The following ABCG5 variants were observed in gnomAD, a reference collection of about 807,000 sequenced individuals.
ABCG5 encodes the protein ATP binding cassette subfamily G member 5, also known as ATP-binding cassette sub-family G member 5.
A neutral mutation model predicts 64.5 loss-of-function variants in ABCG5; 64 were observed. That is an observed-to-expected ratio of 0.99 (90% CI 0.81 to 1.22). The LOEUF (loss-of-function observed/expected upper bound fraction) is 1.22. Among genes scored for constraint, ABCG5 ranks in the 50% most tolerant of loss-of-function variants. The pLI is 0.00. For missense variants in ABCG5, 908 were observed against 829.5 expected (o/e 1.09, Z -1.16); for synonymous variants, 385 against 326.3 (o/e 1.18, Z -1.94).
chr2:43,815,263 T>A (rs1332390914), intron 11 of ABCG5, among the ~76,000 whole-genome samples: 1 of 152,248 alleles, frequency 6.6e-6, no homozygotes, highest in East Asian at 1.9e-4. Flanking sequence ...GTCTTCTTAG[T>A]CCACTGTATA....
rs1667481938 is a variant in ABCG5 at position 43,824,737 on chromosome 2, C to A, written c.904+152G>T. 2.1e-6 allele frequency: 3 copies of A among 1,447,730 alleles called. No individual in the cohort carries two copies. In the African/African-American group the frequency reaches 4.3e-5, roughly 21 times the overall value. The allele number at this position is 1,447,730 out of a possible 1,614,324, so 89.7% of individuals were successfully genotyped here. A position where few individuals can be genotyped will look rare whatever the true frequency, so the allele number is the denominator to read the frequency against. ...TTCTGATAGTCATCTCTGGCAAGTT[C>A]ATTGACCCGGCCAAATTGATTCCTT... On this transcript the variant is annotated intron_variant, in intron 7 of 12. Coordinates refer to ENST00000405322, the MANE Select transcript of ABCG5 (RefSeq NM_022436.3).
chr2:43,832,856 C>T (rs755518556), intron 2 of ABCG5, among the ~76,000 whole-genome samples: 13 of 152,232 alleles, frequency 8.5e-5, no homozygotes, highest in Non-Finnish European at 1.6e-4. Flanking sequence ...GTCACCCAGG[C>T]TGGAGTGCAG....
Position 43,824,022 on chromosome 2 carries a change from C to G in ABCG5, c.1215G>C (p.Leu405=). Residue 405 remains leucine, a synonymous_variant, in exon 9 of 13, where the codon CTG becomes CTC. Transcript: ENST00000405322. ...CCTTTAGCACATTGCTTCGGACCCG[C>G]AGAACGAAGAAAAGGAGGAACAAAC... ...IMGLFLLFFV[L]RVRSNVLKGA... 6.2e-7 allele frequency: 1 copy of G among 1,614,160 alleles called. No homozygotes were observed. Among genetic ancestry groups the G allele is most frequent in the Non-Finnish European group, 8.5e-7 (1 of 1,180,038 alleles).
intron 11 of ABCG5, among the ~76,000 whole-genome samples, chr2:43,818,591 C>G (rs1199952222): frequency 6.6e-6 from 1 of 151,946 alleles, no homozygotes; most frequent in Non-Finnish European, 1.5e-5. Flanking sequence ...GAAATGCTGC[C>G]CAAGGTTGGC....
intron 4 of ABCG5, chr2:43,828,385 C>G (rs1244043179): frequency 4.2e-6 from 2 of 474,718 alleles, no homozygotes; most frequent in East Asian, 4.9e-5. Context: ...CCTGTAATCC[C>G]AATACTTTGG....
chr2:43,832,639 C>G (rs897245516), intron 2 of ABCG5: 2 of 163,148 alleles, frequency 1.2e-5, no homozygotes, highest in African/African-American at 4.8e-5. Context: ...CTGCTTCAGT[C>G]GAGTTTGAGA....
At chr2:43,825,757 C>A (rs1258850130) in intron 6 of ABCG5, among the ~76,000 whole-genome samples, 1 of 152,110 alleles carries the variant, frequency 6.6e-6, no homozygotes, top group East Asian at 1.9e-4. Flanking sequence ...CAGGCGCACA[C>A]CACCACGCCC....
chr2:43,812,652 T>G lies in ABCG5; in HGVS notation c.*464A>C. On this transcript the variant is annotated 3_prime_UTR_variant, in exon 13 of 13. Coordinates refer to ENST00000405322, the MANE Select transcript of ABCG5 (RefSeq NM_022436.3). ...GGGTCTTCCAGGAACAGAAGCATTC[T>G]TACCCAATTCTGCATGATAACCTTG... The G allele has an allele frequency of 5.3e-6, 1 of 188,966 alleles. No individual in the cohort carries two copies. The highest frequency in any genetic ancestry group is 1.4e-4 in the East Asian group (1 of 7,230). 11.7% of individuals were successfully genotyped at this position (188,966 alleles called of 1,614,324 possible).
At position 43,824,221 on chromosome 2, in the gene ABCG5, C is replaced by G; in HGVS notation, c.1116G>C (p.Leu372=). 3 of 1,614,226 alleles carry G rather than the reference C, an allele frequency of 1.9e-6. No homozygotes were observed. Among genetic ancestry groups the G allele is most frequent in the Non-Finnish European group, 1.7e-6 (2 of 1,180,042 alleles). Residue 372 remains leucine (L), a splice_region_variant and synonymous_variant, in exon 8 of 13, where the codon CTG becomes CTC. Coordinates refer to ENST00000405322, the MANE Select transcript of ABCG5 (RefSeq NM_022436.3). ...PGVFSKLGVL[L]RRVTRNLVRN... ...TCTCACATTTGTGAGCCTCTTACCTCAGGAGAACACCCAGTTTAGAGAAAA... is the reference window on the plus strand; with the variant it reads ...TCTCACATTTGTGAGCCTCTTACCTGAGGAGAACACCCAGTTTAGAGAAAA...
intron 2 of ABCG5, 24 bp from the exon 3 acceptor site, chr2:43,832,107 C>G (rs1279457627): frequency 5.1e-6 from 8 of 1,567,954 alleles, no homozygotes; most frequent in East Asian, 2.3e-5. Context: ...ACAGAAGGCC[C>G]TAGAGGAACC....
rs1230351105 is a variant in ABCG5 at position 43,838,006 on chromosome 2, G to A, written c.144-51C>T. ...AAGGCAGCTTGGGGCCCTGGAAGGG[G>A]CCACACCCAGGTCCCCAGCATTGAT... On this transcript the variant is annotated intron_variant, in intron 1 of 12. Coordinates refer to ENST00000405322, the MANE Select transcript of ABCG5 (RefSeq NM_022436.3). The surrounding 1 kb of genome is among the most constrained non-coding windows in gnomAD (Gnocchi z 4.2). 6.2e-7 allele frequency: 1 copy of A among 1,611,654 alleles called. No individual in the cohort carries two copies. The highest frequency in any genetic ancestry group is 8.5e-7 in the Non-Finnish European group (1 of 1,178,726).
chr2:43,830,174 C>G (rs1470084646), intron 4 of ABCG5, among the ~76,000 whole-genome samples: 1 of 152,146 alleles, frequency 6.6e-6, no homozygotes, highest in African/African-American at 2.4e-5. Context: ...TAATTTGTCT[C>G]AGAGGTTTCA....
chr2:43,821,559 C>T (rs1667204065), intron 10 of ABCG5, among the ~76,000 whole-genome samples: 1 of 152,176 alleles, frequency 6.6e-6, no homozygotes, highest in East Asian at 1.9e-4. Context: ...TTCTGCCATT[C>T]TTTGCCTTAT....
intron 10 of ABCG5, among the ~76,000 whole-genome samples, chr2:43,822,213 ACT>A (rs1269748953): frequency 2.6e-5 from 4 of 151,682 alleles, no homozygotes; most frequent in African/African-American, 4.9e-5. Context: ...CACCCCCATG[ACT>A]CTACCGAAGC....
intron 5 of ABCG5, 36 bp downstream of exon 5, chr2:43,827,947 A>C (rs1473773945): frequency 6.2e-7 from 1 of 1,612,758 alleles, no homozygotes; most frequent in Non-Finnish European, 8.5e-7. Context: ...GAAGATGCCC[A>C]GACAGCAGCT....
At chr2:43,837,142 CA>C (rs1401728893) in intron 2 of ABCG5, among the ~76,000 whole-genome samples, 1 of 134,658 alleles carries the variant, frequency 7.4e-6, no homozygotes, top group African/African-American at 2.8e-5. Context: ...TTTTTTGAGA[CA>C]GGGTCTTGCT....
intron 4 of ABCG5, among the ~76,000 whole-genome samples, chr2:43,829,540 G>T (rs942701769): frequency 2.6e-5 from 4 of 152,028 alleles, no homozygotes; most frequent in African/African-American, 9.7e-5. Context: ...ATTCTTTACT[G>T]AATTTCTAAT....
intron 6 of ABCG5, among the ~76,000 whole-genome samples, 178 bp downstream of exon 6, chr2:43,826,204 T>C (rs1302263079): frequency 6.6e-6 from 1 of 151,380 alleles, no homozygotes; most frequent in Non-Finnish European, 1.5e-5. Flanking sequence ...CTCACTTTAT[T>C]GCTCAGGATG....
intron 2 of ABCG5, among the ~76,000 whole-genome samples, chr2:43,836,235 C>A (rs1012744401): frequency 6.6e-6 from 1 of 152,006 alleles, no homozygotes; most frequent in Non-Finnish European, 1.5e-5. Context: ...GCCACCGTGC[C>A]CGGCCTGGGA....
Sources: allele counts gnomAD v4.1 joint callset (sites outside exome capture counted in the v4.1 genomes callset), GRCh38; gene constraint gnomAD v4.1.1; non-coding constraint Gnocchi (gnomAD v3.1); transcripts MANE v1.5; gene names NCBI Gene and HGNC (gene_info 2026-07-23, HGNC 2026-07-21).